The following SPIDR variants were observed in gnomAD, a reference collection of about 807,000 sequenced individuals.
SPIDR encodes the protein scaffold protein involved in DNA repair.
In SPIDR, 93 loss-of-function variants were observed where a neutral mutation model predicts 104.6. The ratio of observed to expected loss-of-function variants is 0.89; its 90% confidence interval spans 0.75 to 1.06. The LOEUF (loss-of-function observed/expected upper bound fraction) is 1.06. SPIDR is among the 50% of genes least tolerant of loss of function. The probability of loss-of-function intolerance (pLI) is 0.00; values close to 1 mark genes in which losing one functional copy is unlikely to be tolerated. For synonymous variants in SPIDR, 431 were observed against 416.9 expected (o/e 1.03, Z -0.41); for missense variants, 1,154 against 1,111.2 (o/e 1.04, Z -0.55).
chr8:47,504,534 G>A (rs918648539), intron 8 of SPIDR, among the ~76,000 whole-genome samples: 4 of 152,088 alleles, frequency 2.6e-5, no homozygotes, highest in Admixed American at 1.3e-4. Context: ...TTAGCCATTC[G>A]TCTAATCTTT....
chr8:47,714,719 G>A (rs911176549), intron 16 of SPIDR, among the ~76,000 whole-genome samples: 1 of 152,184 alleles, frequency 6.6e-6, no homozygotes, highest in Admixed American at 6.5e-5. Flanking sequence ...CTCTAGGAGG[G>A]ATGTCCGTCC....
chr8:47,655,125 ATTG>A (rs1156339029), intron 10 of SPIDR, among the ~76,000 whole-genome samples: 3 of 152,148 alleles, frequency 2.0e-5, no homozygotes, highest in Non-Finnish European at 4.4e-5. Context: ...CCAGTCTATT[ATTG>A]TTGGACATAT....
intron 8 of SPIDR, among the ~76,000 whole-genome samples, chr8:47,489,396 A>G (rs1229966209): frequency 1.3e-5 from 2 of 152,244 alleles, no homozygotes; most frequent in Non-Finnish European, 2.9e-5. Context: ...GTGGATAGGA[A>G]GAATCAATAT....
chr8:47,293,876 A>C lies in SPIDR; in HGVS notation c.371A>C (p.Gln124Pro). The change falls in exon 5 of 20, where the codon CAG becomes CCG. Residue 124 changes from glutamine (Q) to proline (P), a missense_variant. Gln to Pro is a moderately conservative substitution (Grantham distance 76). Coordinates refer to ENST00000297423, the MANE Select transcript of SPIDR (RefSeq NM_001080394.4). ...AAATTATATTTTTTAGATGAATTAC[A>C]GTTTATCGACTGGGAGATTGACAGT... ...TLSQLQRDELQFIDWEIDSDR... is the reference protein window; with the variant it reads ...TLSQLQRDELPFIDWEIDSDR... The C allele has an allele frequency of 6.2e-7, 1 of 1,605,474 alleles. No individual in the cohort carries two copies. The highest frequency in any genetic ancestry group is 1.1e-5 in the South Asian group (1 of 89,346).
chr8:47,598,556 T>G (rs2061886445), intron 9 of SPIDR, among the ~76,000 whole-genome samples: 1 of 152,256 alleles, frequency 6.6e-6, no homozygotes, highest in Non-Finnish European at 1.5e-5. Flanking sequence ...GAAGCATTTG[T>G]ATTATCCCTA....
At chr8:47,416,815 C>T (rs571572469) in intron 7 of SPIDR, among the ~76,000 whole-genome samples, 1 of 152,150 alleles carries the variant, frequency 6.6e-6, no homozygotes, top group South Asian at 2.1e-4. Flanking sequence ...GTGATGTTCC[C>T]CTTCCTGTGT....
At chr8:47,675,965 C>T (rs1475230569) in intron 11 of SPIDR, among the ~76,000 whole-genome samples, 3 of 152,338 alleles carry the variant, frequency 2.0e-5, no homozygotes, top group African/African-American at 7.2e-5. Context: ...AGGGGGCTCC[C>T]GCCACAGGAT....
intron 16 of SPIDR, among the ~76,000 whole-genome samples, chr8:47,721,795 C>A (rs560470652): frequency 1.3e-5 from 2 of 152,296 alleles, no homozygotes; most frequent in East Asian, 3.9e-4. Flanking sequence ...ACTTTTAAGT[C>A]TTGAAGTCGG....
chr8:47,729,549 C>A, intron 19 of SPIDR, 84 bp downstream of exon 19: 2 of 1,469,480 alleles, frequency 1.4e-6, no homozygotes, highest in South Asian at 1.2e-5. Context: ...CCCCCACTCC[C>A]AAATGTGTTC....
chr8:47,629,345 T>C (rs778035647), intron 10 of SPIDR, among the ~76,000 whole-genome samples: 3 of 152,208 alleles, frequency 2.0e-5, no homozygotes, highest in Non-Finnish European at 4.4e-5. Flanking sequence ...GCAAGCATAT[T>C]ATTTTAGGCT....
chr8:47,305,829 A>G (rs2043006904), intron 5 of SPIDR, among the ~76,000 whole-genome samples: 1 of 152,180 alleles, frequency 6.6e-6, no homozygotes, highest in African/African-American at 2.4e-5. Flanking sequence ...CATAACATAA[A>G]ATTTACTATT....
chr8:47,376,114 C>T (rs781968524), intron 5 of SPIDR, among the ~76,000 whole-genome samples: 8 of 152,160 alleles, frequency 5.3e-5, no homozygotes, highest in Non-Finnish European at 7.3e-5. Flanking sequence ...CTCTGAGCAA[C>T]ACTGAATCTA....
chr8:47,375,492 G>A (rs2058560565), intron 5 of SPIDR, among the ~76,000 whole-genome samples: 1 of 151,914 alleles, frequency 6.6e-6, no homozygotes, highest in African/African-American at 2.4e-5. Context: ...TGCCCGCCTC[G>A]GCCTCCCAAA....
chr8:47,461,511 C>T (rs967538193), intron 8 of SPIDR, among the ~76,000 whole-genome samples: 1 of 152,188 alleles, frequency 6.6e-6, no homozygotes, highest in Non-Finnish European at 1.5e-5. Context: ...GGGTTTTCAC[C>T]ATGTTGACCA....
At chr8:47,381,679 G>T (rs977746448) in intron 5 of SPIDR, among the ~76,000 whole-genome samples, 1 of 152,218 alleles carries the variant, frequency 6.6e-6, no homozygotes, top group Non-Finnish European at 1.5e-5. Flanking sequence ...AGAAACCAGC[G>T]ATTGGCAGGA....
At chr8:47,461,167 C>T (rs888405778) in intron 8 of SPIDR, among the ~76,000 whole-genome samples, 3 of 152,114 alleles carry the variant, frequency 2.0e-5, no homozygotes, top group Admixed American at 6.6e-5. Context: ...CCCAGATGTT[C>T]GTTCTTGTAT....
At chr8:47,299,008 G>T (rs2041487332) in intron 5 of SPIDR, among the ~76,000 whole-genome samples, 2 of 152,196 alleles carry the variant, frequency 1.3e-5, no homozygotes, top group South Asian at 4.1e-4. Context: ...TTGGTAGCTT[G>T]ATGGGGATGG....
In SPIDR at chr8:47,402,563, T is replaced by C. The variant is rs558243370; in HGVS notation, c.777-5298T>C. 3.8e-4 allele frequency among the ~76,000 whole-genome samples: 58 copies of C among 152,286 alleles called. 2 individuals are homozygous for C. In the South Asian group the frequency reaches 0.012, roughly 32 times the overall value. On this transcript the variant is annotated intron_variant, in intron 6 of 19. Transcript: ENST00000297423. ...AGAAACACAAACTACCATCAGAGAA[T>C]GCTATAAACACCTCTACGCAAATAA...
intron 1 of SPIDR, among the ~76,000 whole-genome samples, chr8:47,264,192 G>A (rs576418166): frequency 7.2e-5 from 11 of 152,268 alleles, no homozygotes; most frequent in African/African-American, 2.6e-4. Flanking sequence ...TATGGACTAA[G>A]GTGGTGGAAT....
Sources: gnomAD v4.1 joint callset for allele counts (sites outside exome capture counted in the v4.1 genomes callset) on GRCh38, gnomAD v4.1.1 for gene constraint, MANE v1.5 for transcripts, NCBI Gene and HGNC (gene_info 2026-07-23, HGNC 2026-07-21) for gene names.